Variants in RPAP1 observed in about 807,000 individuals in gnomAD.
The protein encoded by RPAP1 is RNA polymerase II-associated protein 1.
In RPAP1, 109 loss-of-function variants were observed where a neutral mutation model predicts 142.4. The ratio of observed to expected loss-of-function variants is 0.77; its 90% CI spans 0.66 to 0.90. The LOEUF (loss-of-function observed/expected upper bound fraction) is 0.90. Ranked by LOEUF, RPAP1 falls within the 40% of genes least tolerant of loss-of-function variation. RPAP1 has a pLI of 0.00. For synonymous variants in RPAP1, 704 were observed against 738.9 expected (o/e 0.95, Z 0.77); for missense variants, 1,546 against 1,751.7 (o/e 0.88, Z 2.10).
Position 41,518,049 on chromosome 15 carries a change from G to A in RPAP1, c.3929C>T (p.Ala1310Val), listed in dbSNP as rs2051683516. ...AGAGAAGATGAAGCTATTGACATGA[G>A]CCACAGCCACAGCATAGAGCACGGG... The part of the protein sequence containing the change: ...WCPVLYAVAV[A>V]HVNSFIFSQD... Residue 1310 changes from alanine to valine, a missense_variant, in exon 23 of 25, where the codon GCT becomes GTT. Transcript: ENST00000304330. 1.9e-6 allele frequency: 3 copies of A among 1,613,994 alleles called. No individual in the cohort carries two copies. Among genetic ancestry groups the A allele is most frequent in the South Asian group, 1.1e-5 (1 of 91,056 alleles).
Position 41,521,779 on chromosome 15 carries a change from A to G in RPAP1, c.2997T>C (p.His999=), listed in dbSNP as rs146658575. 19 of 1,607,330 alleles carry G rather than the reference A, an allele frequency of 1.2e-5. No individual in the cohort carries two copies. The East Asian group carries it at 2.2e-4, about 19-fold the overall frequency. ...GGAATACACAGCTCAGCAGCAGCTC[A>G]TGGGTGAGGTACTCACTTCCGGGCA... ...RLLPGSEYLT[H]ELLLSCVFRL... is the part of the protein sequence containing the mutation. The change falls in exon 21 of 25, where the codon CAT becomes CAC. Residue 999 remains histidine (H), a synonymous_variant. Coordinates refer to ENST00000304330, the MANE Select transcript of RPAP1 (RefSeq NM_015540.4).
At position 41,525,345 on chromosome 15, in the gene RPAP1, T is replaced by A. The variant is rs140815528; in HGVS notation, c.1918-197A>T. On this transcript the variant is annotated intron_variant, in intron 14 of 24. Transcript: ENST00000304330. ...TTTTATTATTTTACTTTTTATTATT[T>A]ATTATTATTTTGAGATGGAGTCTTG... 1.0e-3 allele frequency: 263 copies of A among 259,404 alleles called. 3 individuals carry two copies. Among genetic ancestry groups the A allele is most frequent in the African/African-American group, 5.7e-3 (254 of 44,704 alleles). The allele number at this position is 259,404 out of a possible 1,614,324, so 16.1% of individuals were successfully genotyped here. A position where few individuals can be genotyped will look rare whatever the true frequency, so the allele number is the denominator to read the frequency against.
At position 41,521,746 on chromosome 15, in the gene RPAP1, C is replaced by T. The variant is rs759888103; in HGVS notation, c.3030G>A (p.Glu1010=). The change falls in exon 21 of 25, where the codon GAG becomes GAA. Residue 1010 remains glutamate, a synonymous_variant. Coordinates refer to ENST00000304330, the MANE Select transcript of RPAP1 (RefSeq NM_015540.4). ...ELLLSCVFRL[E]FLPERTSGGP... ...ACCAACCAAGCACTTACGGGAGGAA[C>T]TCCAGCCGGAATACACAGCTCAGCA... The T allele has an allele frequency of 1.9e-6, 3 of 1,614,086 alleles. No homozygotes were observed. In the South Asian group the frequency reaches 3.3e-5, roughly 18 times the overall value.
chr15:41,541,641 A>G (rs2051973151), intron 1 of RPAP1, among the ~76,000 whole-genome samples: 1 of 152,106 alleles, frequency 6.6e-6, no homozygotes, highest in African/African-American at 2.4e-5. Flanking sequence ...AGGTCAGAAG[A>G]TCGAGACCAT....
In RPAP1 at chr15:41,521,853, G is replaced by C. The variant is rs1386295575; in HGVS notation, c.2923C>G (p.His975Asp). 6.8e-6 allele frequency: 11 copies of C among 1,614,110 alleles called. No homozygotes were observed. The highest frequency in any genetic ancestry group is 9.3e-6 in the Non-Finnish European group (11 of 1,180,000). The change falls in exon 21 of 25, where the codon CAT becomes GAT. Residue 975 changes from histidine (H) to aspartate (D), a missense_variant. By Grantham distance (81) the His-to-Asp change is moderately conservative. This residue lies in a region of RPAP1 where 1,333 missense variants were observed against 1,486.6 expected (regional missense o/e 0.90). Coordinates refer to ENST00000304330, the MANE Select transcript of RPAP1 (RefSeq NM_015540.4). ...AAALQPLPAT[H>D]AALYHGMALA... is the part of the protein sequence containing the mutation. ...GCCATACCATGATAGAGGGCAGCAT[G>C]GGTGGCTGGCAGTGGCTGCAGCGCT...
At chr15:41,531,627 ATTTTTTTTTTTTTTT>A (rs150550154) in intron 6 of RPAP1, among the ~76,000 whole-genome samples, 10 of 22,020 alleles carry the variant, frequency 4.5e-4, no homozygotes, top group Admixed American at 1.2e-3. Flanking sequence ...ATATATATAT[ATTTTTTTTTTTTTTT>A]TTTTTTTTTT....
rs1298699671 is a variant in RPAP1, at chr15:41,522,136, G to C, written c.2857C>G (p.His953Asp). 2.5e-6 allele frequency: 4 copies of C among 1,613,800 alleles called. No individual in the cohort carries two copies. Among genetic ancestry groups the C allele is most frequent in the Non-Finnish European group, 2.5e-6 (3 of 1,180,022 alleles). Reference protein sequence around the residue: ...FSAWALRHEYHLQYLALALAQ... With the variant: ...FSAWALRHEYDLQYLALALAQ... ...AGAGCGAGTGCCAGGTACTGCAGGT[G>C]GTACTCATGGCGCAGGGCCCATGCA... The change falls in exon 20 of 25, where the codon CAC becomes GAC. Residue 953 changes from histidine (H) to aspartate (D), a missense_variant. His to Asp is a moderately conservative substitution (Grantham distance 81). Transcript: ENST00000304330.
intron 11 of RPAP1, 111 bp from the exon 12 acceptor site, chr15:41,527,716 T>C: frequency 6.9e-7 from 1 of 1,453,368 alleles, no homozygotes; most frequent in Non-Finnish European, 9.2e-7. Context: ...TCCTGGGCTT[T>C]AGGGACTTTA....
At chr15:41,536,884 G>T in intron 2 of RPAP1, 61 bp downstream of exon 2, 1 of 1,563,438 alleles carries the variant, frequency 6.4e-7, no homozygotes, top group Non-Finnish European at 8.7e-7. Context: ...ACAACAGGAA[G>T]AGGGAGGGGC....
At position 41,524,117 on chromosome 15, in the gene RPAP1, C is replaced by G; in HGVS notation, c.2213G>C (p.Ser738Thr). 6.3e-7 allele frequency: 1 copy of G among 1,590,862 alleles called. No homozygotes were observed. The highest frequency in any genetic ancestry group is 8.6e-7 in the Non-Finnish European group (1 of 1,166,854). ...CTACCTGATGGTTTCAGCAGGGGTA[C>G]TGCCGGCTGCCAGGGTTAGCTGGGT... ...LLTQLTLAAG[S>T]TPAETISDSA... Residue 738 changes from serine (S) to threonine (T), a missense_variant, in exon 16 of 25, where the codon AGT becomes ACT. Physicochemically the swap from Ser to Thr is moderately conservative, Grantham distance 58. Transcript: ENST00000304330.
At position 41,522,137 on chromosome 15, in the gene RPAP1, G is replaced by A. The variant is rs149085851; in HGVS notation, c.2856C>T (p.Tyr952=). Residue 952 remains tyrosine, a synonymous_variant, in exon 20 of 25, where the codon TAC becomes TAT. Coordinates refer to ENST00000304330, the MANE Select transcript of RPAP1 (RefSeq NM_015540.4). The part of the protein sequence containing the change: ...PFSAWALRHE[Y]HLQYLALALA... ...GAGCGAGTGCCAGGTACTGCAGGTG[G>A]TACTCATGGCGCAGGGCCCATGCAG... 54 of 1,613,932 alleles carry A rather than the reference G, an allele frequency of 3.3e-5. No homozygotes were observed. The African/African-American group carries it at 6.7e-4, about 20-fold the overall frequency.
In RPAP1 at chr15:41,520,554, T is replaced by A. The variant is rs143116680; in HGVS notation, c.3632A>T (p.Tyr1211Phe). The A allele has an allele frequency of 1.0e-4, 168 of 1,614,078 alleles. No homozygotes were observed. The African/African-American group carries it at 1.8e-3, about 18-fold the overall frequency. ...CTCAAAATGATCCAGGAAGTTGGCA[T>A]AGAGGTCAGGGAAAGACGTCAGGCC... is the stretch of plus-strand genomic sequence containing the variant. ...LPGLTSFPDL[Y>F]ANFLDHFEAV... The change falls in exon 22 of 25, where the codon TAT (tyrosine) becomes TTT (phenylalanine). Residue 1211 changes from tyrosine to phenylalanine, a missense_variant. Tyr to Phe is a conservative substitution (Grantham distance 22, BLOSUM62 3). Transcript: ENST00000304330.
At chr15:41,523,116 G>C in intron 18 of RPAP1, 129 bp downstream of exon 18, 1 of 918,676 alleles carries the variant, frequency 1.1e-6, no homozygotes, top group Non-Finnish European at 1.6e-6. Flanking sequence ...CTGCCTGCTA[G>C]GGACTCGGGT....
rs1221121381 is a variant in RPAP1, at chr15:41,517,199, AT to A, written c.*342del. On this transcript the variant is annotated 3_prime_UTR_variant, in exon 25 of 25. Transcript: ENST00000304330. ...AATTTCCAGGAGATAAAAAACATTT[AT>A]TTTAATGCACAACTATAGCATTCAT... 1 of 175,534 alleles carries A rather than the reference AT, an allele frequency of 5.7e-6. No individual in the cohort carries two copies. Among genetic ancestry groups the A allele is most frequent in the East Asian group, 1.5e-4 (1 of 6,528 alleles). 10.9% of individuals were successfully genotyped at this position (175,534 alleles called of 1,614,324 possible). A position where few individuals can be genotyped will look rare whatever the true frequency, so the allele number is the denominator to read the frequency against.
At chr15:41,521,292 A>G (rs2051724166) in intron 21 of RPAP1, 145 bp from the exon 22 acceptor site, 1 of 772,778 alleles carries the variant, frequency 1.3e-6, no homozygotes, top group Non-Finnish European at 2.0e-6. Context: ...AGTGCTGTGT[A>G]GCAGTTAAGA....
chr15:41,527,498 T>G lies in RPAP1; in HGVS notation c.1536A>C (p.Ala512=), dbSNP rs11540889. ...EDEDEDEECP[A]GKAKRKSPEE... ...CAGGGCTTTTCCTTTTTGCTTTTCCTGCTGGGCATTCTTCATCCTCGTCCT... is the reference window on the plus strand; with the variant it reads ...CAGGGCTTTTCCTTTTTGCTTTTCCGGCTGGGCATTCTTCATCCTCGTCCT... The change falls in exon 12 of 25, where the codon GCA becomes GCC. Residue 512 remains alanine, a synonymous_variant. Transcript: ENST00000304330. The G allele has an allele frequency of 1.9e-6, 3 of 1,614,122 alleles. No homozygotes were observed. Among genetic ancestry groups the G allele is most frequent in the Non-Finnish European group, 2.5e-6 (3 of 1,180,046 alleles).
In RPAP1 at chr15:41,529,997, GATA is replaced by G; in HGVS notation, c.944-21_944-19del. ...TGCCAGAGCTGGGGAGACAAAGCATGATAGTATTACCCAAACGGCTCAGCTCAC... is the reference window on the plus strand; with the variant it reads ...TGCCAGAGCTGGGGAGACAAAGCATGGTATTACCCAAACGGCTCAGCTCAC... On this transcript the variant is annotated intron_variant, in intron 7 of 24. Transcript: ENST00000304330. The G allele has an allele frequency of 1.2e-6, 2 of 1,603,156 alleles. No homozygotes were observed. The highest frequency in any genetic ancestry group is 1.7e-6 in the Non-Finnish European group (2 of 1,170,674).
rs146768299 is a variant in RPAP1 at position 41,520,573 on chromosome 15, T to A, written c.3613A>T (p.Thr1205Ser). The A allele has an allele frequency of 5.8e-5, 94 of 1,613,978 alleles. No homozygotes were observed. The highest frequency in any genetic ancestry group is 7.4e-5 in the Non-Finnish European group (87 of 1,180,026). ...LNLDCRLPGL[T>S]SFPDLYANFL... ...TTGGCATAGAGGTCAGGGAAAGACG[T>A]CAGGCCAGGGAGTCGGCAGTCCAGG... Residue 1205 changes from threonine (T) to serine (S), a missense_variant, in exon 22 of 25, where the codon ACG becomes TCG. Physicochemically the swap from Thr to Ser is moderately conservative, Grantham distance 58. Transcript: ENST00000304330.
Position 41,520,894 on chromosome 15 carries a change from G to C in RPAP1, c.3292C>G (p.Pro1098Ala). 6.2e-7 allele frequency: 1 copy of C among 1,613,528 alleles called. No homozygotes were observed. The highest frequency in any genetic ancestry group is 8.5e-7 in the Non-Finnish European group (1 of 1,180,020). ...LLPMPTEPLL[P>A]TDWPFLPLIR... is the part of the protein sequence containing the mutation. ...AGTGGCAGGAAGGGCCAGTCGGTGG[G>C]CAGCAGCGGCTCCGTAGGCATGGGC... is the stretch of plus-strand genomic sequence containing the variant. Residue 1098 changes from proline (P) to alanine (A), a missense_variant, in exon 22 of 25, where the codon CCC (proline) becomes GCC (alanine). By Grantham distance (27) the Pro-to-Ala change is conservative (BLOSUM62 -1). Around this residue, in one of 3 missense-constraint regions of RPAP1, gnomAD observed 1,333 missense variants for 1,486.6 expected, o/e 0.90. Transcript: ENST00000304330.
Sources: allele counts gnomAD v4.1 joint callset (sites outside exome capture counted in the v4.1 genomes callset), GRCh38; gene constraint gnomAD v4.1.1; regional missense constraint gnomAD v4.1.1; transcripts MANE v1.5; gene names NCBI Gene and HGNC (gene_info 2026-07-23, HGNC 2026-07-21).